KDM1A: variants seen among roughly 807,000 people sequenced by gnomAD.
The protein encoded by KDM1A is lysine demethylase 1A, also known as lysine-specific histone demethylase 1A.
In KDM1A, 49 loss-of-function variants were observed where a neutral mutation model predicts 109.4. That is an observed-to-expected ratio of 0.45 (90% confidence interval 0.36 to 0.57). KDM1A has a LOEUF of 0.57. Ranked by LOEUF, KDM1A falls within the 20% of genes least tolerant of loss-of-function variation. The pLI, the probability that KDM1A is intolerant of heterozygous loss-of-function variation, is 0.00. For missense variants in KDM1A, 668 were observed against 1,116.6 expected, an observed-to-expected ratio of 0.60 and a Z score of 5.73; for synonymous variants, 380 against 415.4, an observed-to-expected ratio of 0.91 and a Z score of 1.04.
At chr1:23,022,461 G>A (rs1211856879) in intron 1 of KDM1A, among the ~76,000 whole-genome samples, 1 of 151,224 alleles carries the variant, frequency 6.6e-6, no homozygotes, top group African/African-American at 2.4e-5. Context: ...TCAGCCTCCC[G>A]AGTAGCTGGG....
rs768509123 is a variant in KDM1A at position 23,053,838 on chromosome 1, C to T, written c.789C>T (p.Asn263=). The T allele has an allele frequency of 1.9e-6, 3 of 1,558,416 alleles. No homozygotes were observed. The highest frequency in any genetic ancestry group is 2.7e-6 in the Non-Finnish European group (3 of 1,129,562). ...TCCAACAATTAGAAGCACCTTATAACAGTAAGTAGTGTGTTCAATAGGACT... is the reference window on the plus strand; with the variant it reads ...TCCAACAATTAGAAGCACCTTATAATAGTAAGTAGTGTGTTCAATAGGACT... ...ATLQQLEAPY[N]SDTVLVHRVH... Residue 263 remains asparagine, a splice_region_variant and synonymous_variant, in exon 5 of 21, where the codon AAC becomes AAT. Transcript: ENST00000400181.
At chr1:23,073,617 C>T (rs1000936365) in intron 15 of KDM1A, among the ~76,000 whole-genome samples, 1 of 152,208 alleles carries the variant, frequency 6.6e-6, no homozygotes, top group Non-Finnish European at 1.5e-5. Flanking sequence ...TGCCCATCAT[C>T]CTGAAATGTT....
intron 15 of KDM1A, among the ~76,000 whole-genome samples, chr1:23,076,866 G>C (rs959468122): frequency 6.6e-6 from 1 of 151,730 alleles, no homozygotes; most frequent in African/African-American, 2.4e-5. Flanking sequence ...TTGGGAGGCT[G>C]AGGCAAGAGA....
chr1:23,053,478 C>T (rs910259927), intron 4 of KDM1A, among the ~76,000 whole-genome samples: 5 of 152,106 alleles, frequency 3.3e-5, no homozygotes, highest in Middle Eastern at 3.2e-3. Context: ...CTCGACGTCC[C>T]GGGCTCAAGC....
chr1:23,021,070 T>A (rs1242223185), intron 1 of KDM1A, among the ~76,000 whole-genome samples: 3 of 152,224 alleles, frequency 2.0e-5, no homozygotes, highest in Non-Finnish European at 2.9e-5. Flanking sequence ...ACATAATTTT[T>A]AAGTGGGAAT....
intron 16 of KDM1A, among the ~76,000 whole-genome samples, chr1:23,078,059 C>A (rs987184918): frequency 6.6e-6 from 1 of 152,148 alleles, no homozygotes; most frequent in African/African-American, 2.4e-5. Flanking sequence ...CTCTGAGAAC[C>A]CATGTATGAC....
intron 9 of KDM1A, among the ~76,000 whole-genome samples, chr1:23,063,002 T>C (rs922859688): frequency 4.5e-4 from 69 of 152,292 alleles, no homozygotes; most frequent in African/African-American, 1.6e-3. Context: ...GTAATTCATA[T>C]TTCAGGGAAC....
intron 2 of KDM1A, among the ~76,000 whole-genome samples, chr1:23,043,613 C>T (rs1183212225): frequency 2.6e-5 from 4 of 152,182 alleles, no homozygotes; most frequent in Non-Finnish European, 5.9e-5. Context: ...AGCATCATAG[C>T]ATCTGTCTTG....
At chr1:23,075,451 A>G (rs1159557910) in intron 15 of KDM1A, among the ~76,000 whole-genome samples, 1 of 151,828 alleles carries the variant, frequency 6.6e-6, no homozygotes, top group African/African-American at 2.4e-5. Context: ...GGCACCTGTA[A>G]TCCCAGCTAC....
rs546303003 is a variant in KDM1A, at chr1:23,019,719, C to T, written c.123C>T (p.Pro41=). 3 of 1,325,834 alleles carry T rather than the reference C, an allele frequency of 2.3e-6. No individual in the cohort carries two copies. The highest frequency in any genetic ancestry group is 3.1e-5 in the East Asian group (1 of 31,914). 82.1% of individuals were successfully genotyped at this position (1,325,834 alleles called of 1,614,324 possible). ...SENGSEVAAQ[P]AGLSGPAEVG... ...ACGGGTCTGAGGTGGCCGCGCAGCC[C>T]GCGGGCCTGTCGGGCCCAGCCGAGG... The change falls in exon 1 of 21, where the codon CCC becomes CCT. Residue 41 remains proline (P), a synonymous_variant. Transcript: ENST00000400181.
intron 2 of KDM1A, among the ~76,000 whole-genome samples, chr1:23,036,728 C>CT (rs1413555744): frequency 1.3e-5 from 2 of 151,836 alleles, no homozygotes; most frequent in South Asian, 2.1e-4. Flanking sequence ...GCAAAAAACT[C>CT]TTAAGTGTGA....
intron 18 of KDM1A, 62 bp from the exon 19 acceptor site, chr1:23,081,384 T>C (rs969419595): frequency 1.9e-4 from 300 of 1,594,518 alleles, no homozygotes; most frequent in Non-Finnish European, 2.5e-4. Context: ...TGGGGCCTGA[T>C]AAGGAAGTTT....
chr1:23,030,406 AAT>A, intron 1 of KDM1A, 61 bp from the exon 2 acceptor site: 1 of 1,261,008 alleles, frequency 7.9e-7, no homozygotes. Flanking sequence ...GATGGTTCCA[AAT>A]AGAGTCCCTA....
In KDM1A at chr1:23,083,475, C is replaced by T; in HGVS notation, c.*111C>T. ...GAAAATCCACCCTGGCATCTGGGCTCCTGATCAGCTGATGGAGCTCCTGAT... is the reference window on the plus strand; with the variant it reads ...GAAAATCCACCCTGGCATCTGGGCTTCTGATCAGCTGATGGAGCTCCTGAT... On this transcript the variant is annotated 3_prime_UTR_variant, in exon 21 of 21. Transcript: ENST00000400181. 4 of 1,071,456 alleles carry T rather than the reference C, an allele frequency of 3.7e-6. No homozygotes were observed. Among genetic ancestry groups the T allele is most frequent in the Non-Finnish European group, 5.2e-6 (4 of 771,052 alleles). 66.4% of individuals were successfully genotyped at this position (1,071,456 alleles called of 1,614,324 possible). A position where few individuals can be genotyped will look rare whatever the true frequency, so the allele number is the denominator to read the frequency against.
At position 23,083,641 on chromosome 1, in the gene KDM1A, G is replaced by T. The variant is rs369535109; in HGVS notation, c.*277G>T. 2.1e-4 allele frequency: 53 copies of T among 255,424 alleles called. No homozygotes were observed. The highest frequency in any genetic ancestry group is 1.2e-3 in the African/African-American group (51 of 43,846). The allele number at this position is 255,424 out of a possible 1,614,324, so 15.8% of individuals were successfully genotyped here. A position where few individuals can be genotyped will look rare whatever the true frequency, so the allele number is the denominator to read the frequency against. On this transcript the variant is annotated 3_prime_UTR_variant, in exon 21 of 21. Coordinates refer to ENST00000400181, the MANE Select transcript of KDM1A (RefSeq NM_001009999.3). ...TCATCTTAGTCCCTTGGTGTGTGGG[G>T]TTTTTGTTTTTTTTTTATATTTTGA...
At chr1:23,047,584 A>C (rs1035439188) in intron 3 of KDM1A, among the ~76,000 whole-genome samples, 1 of 152,166 alleles carries the variant, frequency 6.6e-6, no homozygotes, top group African/African-American at 2.4e-5. Flanking sequence ...CAAATTAGCC[A>C]ACTACATTAG....
At chr1:23,076,959 T>C (rs1297400778) in intron 15 of KDM1A, among the ~76,000 whole-genome samples, 1 of 84,646 alleles carries the variant, frequency 1.2e-5, no homozygotes, top group African/African-American at 3.6e-5. Context: ...AGCAAGACTC[T>C]GTATCAAAAA....
At chr1:23,075,079 T>C (rs1420012802) in intron 15 of KDM1A, among the ~76,000 whole-genome samples, 1 of 152,246 alleles carries the variant, frequency 6.6e-6, no homozygotes, top group East Asian at 1.9e-4. Context: ...TTAGGGTGAA[T>C]TGCCATCTTA....
At chr1:23,073,600 TA>T (rs1643380023) in intron 15 of KDM1A, among the ~76,000 whole-genome samples, 197 bp downstream of exon 15, 1 of 152,234 alleles carries the variant, frequency 6.6e-6, no homozygotes, top group Non-Finnish European at 1.5e-5. Context: ...AATCAGAATA[TA>T]GAACATGCCC....
Sources: allele counts gnomAD v4.1 joint callset (sites outside exome capture counted in the v4.1 genomes callset), GRCh38; gene constraint gnomAD v4.1.1; transcripts MANE v1.5; gene names NCBI Gene and HGNC (gene_info 2026-07-23, HGNC 2026-07-21).